The following RGS6 variants were observed in gnomAD, a reference collection of about 807,000 sequenced individuals.
RGS6 encodes regulator of G protein signaling 6, also known as regulator of G-protein signaling 6.
Under a neutral mutation model 78.5 loss-of-function variants are expected in RGS6, and 30 were observed. The observed-to-expected ratio is 0.38, with a 90% CI of 0.29 to 0.52. RGS6 has a LOEUF of 0.52. RGS6 is among the 20% of genes least tolerant of loss of function. The probability of loss-of-function intolerance (pLI) is 0.85; values close to 1 mark genes in which losing one functional copy is unlikely to be tolerated. For synonymous variants in RGS6, 206 were observed against 206.0 expected (o/e 1.00, Z 0.00); for missense variants, 495 against 609.7 (o/e 0.81, Z 1.98).
chr14:72,012,767 A>G (rs947604774), intron 2 of RGS6, among the ~76,000 whole-genome samples: 1 of 152,180 alleles, frequency 6.6e-6, no homozygotes, highest in African/African-American at 2.4e-5. Flanking sequence ...ACCAGTTACT[A>G]CTGTGTGACT....
In RGS6 at chr14:72,107,314, T is replaced by C. The variant is rs74060642; in HGVS notation, c.84+142439T>C. Among the ~76,000 whole-genome samples the C allele has an allele frequency of 6.5e-3, 996 of 152,310 alleles. 9 individuals carry two copies. Among genetic ancestry groups the C allele is most frequent in the African/African-American group, 0.022 (921 of 41,564 alleles). ...ATCAAACCGTAGCAAATCATCCCTA[T>C]TGAAGCTCAAATTGTCCCATTTTTG... On this transcript the variant is annotated intron_variant, in intron 2 of 17. Transcript: ENST00000553525.
At chr14:72,262,481 A>G (rs533556756) in intron 2 of RGS6, among the ~76,000 whole-genome samples, 1 of 152,200 alleles carries the variant, frequency 6.6e-6, no homozygotes, top group East Asian at 1.9e-4. Context: ...AATGCTACCT[A>G]TTAGGGCCCA....
chr14:72,121,742 C>T (rs1000467919), intron 2 of RGS6, among the ~76,000 whole-genome samples: 3 of 152,102 alleles, frequency 2.0e-5, no homozygotes, highest in Non-Finnish European at 4.4e-5. Context: ...CTACACTGCC[C>T]ATCCCCAGTA....
At chr14:72,018,194 G>GTTTT (rs111521285) in intron 2 of RGS6, among the ~76,000 whole-genome samples, 4 of 151,672 alleles carry the variant, frequency 2.6e-5, no homozygotes, top group African/African-American at 9.7e-5. Context: ...GTCTTTTCTT[G>GTTTT]TTTGTTTTGT....
intron 2 of RGS6, among the ~76,000 whole-genome samples, chr14:72,215,738 A>G (rs542798225): frequency 3.9e-5 from 6 of 152,358 alleles, no homozygotes; most frequent in East Asian, 1.9e-4. Flanking sequence ...GGAACAGGCT[A>G]AGACCTAATG....
chr14:72,352,700 C>T (rs1408008790), intron 3 of RGS6, among the ~76,000 whole-genome samples: 2 of 152,122 alleles, frequency 1.3e-5, no homozygotes, highest in East Asian at 1.9e-4. Context: ...TATTAAAACA[C>T]ATGGGTAGTT....
At chr14:72,431,036 A>T (rs1156299092) in intron 3 of RGS6, among the ~76,000 whole-genome samples, 2 of 152,206 alleles carry the variant, frequency 1.3e-5, no homozygotes, top group Admixed American at 1.3e-4. Context: ...AGCCTGAATA[A>T]TGGGTATGCA....
intron 2 of RGS6, among the ~76,000 whole-genome samples, chr14:72,232,509 C>T (rs1025944864): frequency 1.3e-5 from 2 of 152,194 alleles, no homozygotes; most frequent in African/African-American, 4.8e-5. Flanking sequence ...GATTGGAAGA[C>T]TGCTGTCAGG....
At chr14:72,550,665 GTCAA>G (rs1297887249) in intron 17 of RGS6, 16 of 1,481,544 alleles carry the variant, frequency 1.1e-5, no homozygotes, top group African/African-American at 5.6e-5. Context: ...AATTAAAGGA[GTCAA>G]TCAATCACTA....
rs150380086 is a variant in RGS6, at chr14:72,295,518, G to A, written c.85-56577G>A. On this transcript the variant is annotated intron_variant, in intron 2 of 17. Coordinates refer to ENST00000553525, the MANE Select transcript of RGS6 (RefSeq NM_001204424.2). ...CATCACTGCATAGGAGGGAGAGAGAGAGGGGAGATATGAAACAACGGAGGC... is the reference window on the plus strand; with the variant it reads ...CATCACTGCATAGGAGGGAGAGAGAAAGGGGAGATATGAAACAACGGAGGC... Among the ~76,000 whole-genome samples, 567 of 152,234 alleles carry A rather than the reference G, an allele frequency of 3.7e-3. 3 individuals carry two copies. Among genetic ancestry groups the A allele is most frequent in the African/African-American group, 0.013 (549 of 41,544 alleles).
At chr14:72,348,585 A>T (rs2078502347) in intron 2 of RGS6, among the ~76,000 whole-genome samples, 1 of 152,242 alleles carries the variant, frequency 6.6e-6, no homozygotes, top group Non-Finnish European at 1.5e-5. Context: ...TCAAGAATCA[A>T]ATACAACAAT....
At chr14:72,560,290 G>A (rs2153552214) in intron 17 of RGS6, among the ~76,000 whole-genome samples, 1 of 152,312 alleles carries the variant, frequency 6.6e-6, no homozygotes, top group South Asian at 2.1e-4. Context: ...CACCTAAAAG[G>A]AGAGCAAACT....
At chr14:72,448,413 C>G (rs10483845) in intron 3 of RGS6, among the ~76,000 whole-genome samples, 42,460 of 151,982 alleles carry the variant, frequency 0.28, 6,531 homozygotes, top group Middle Eastern at 0.4. Context: ...GCCACCTACT[C>G]ATTGTGCTCA....
At chr14:71,971,477 G>A (rs569688128) in intron 2 of RGS6, among the ~76,000 whole-genome samples, 2 of 152,020 alleles carry the variant, frequency 1.3e-5, no homozygotes, top group South Asian at 2.1e-4. Flanking sequence ...GGCCTTTGCC[G>A]ACTACTTTCC....
chr14:72,403,286 CTGT>C, intron 3 of RGS6, among the ~76,000 whole-genome samples: 2 of 152,216 alleles, frequency 1.3e-5, no homozygotes, highest in Non-Finnish European at 2.9e-5. Context: ...AAATAAAACT[CTGT>C]CATTCATGGC....
intron 2 of RGS6, among the ~76,000 whole-genome samples, chr14:72,257,735 G>C: frequency 6.6e-6 from 1 of 152,182 alleles, no homozygotes; most frequent in East Asian, 1.9e-4. Context: ...TTCTAGCAGA[G>C]AGAGGAAGGG....
intron 2 of RGS6, among the ~76,000 whole-genome samples, chr14:72,204,760 C>G (rs1397368413): frequency 6.6e-6 from 1 of 152,210 alleles, no homozygotes; most frequent in Non-Finnish European, 1.5e-5. Flanking sequence ...AGCCCTACCT[C>G]CTAATGCCAT....
At chr14:72,619,362 A>G in the RGS6 span, 2 of 1,536,014 alleles carry the variant, frequency 1.3e-6, no homozygotes, top group African/African-American at 1.4e-5. Flanking sequence ...TGGCAGCTCC[A>G]GCTTCCTGCA....
chr14:72,238,701 G>A (rs998934129), intron 2 of RGS6, among the ~76,000 whole-genome samples: 1 of 152,114 alleles, frequency 6.6e-6, no homozygotes, highest in Non-Finnish European at 1.5e-5. Context: ...CTTTTGATTG[G>A]CAATCAGAGA....
Sources: allele counts gnomAD v4.1 joint callset (sites outside exome capture counted in the v4.1 genomes callset), GRCh38; gene constraint gnomAD v4.1.1; transcripts MANE v1.5; gene names NCBI Gene and HGNC (gene_info 2026-07-23, HGNC 2026-07-21).